ANO3: variants seen among roughly 807,000 people sequenced by gnomAD.
ANO3 encodes anoctamin-3.
In ANO3, 99 loss-of-function variants were observed where a neutral mutation model predicts 144.8. The ratio of observed to expected loss-of-function variants is 0.68; its 90% confidence interval spans 0.58 to 0.81. ANO3 has a LOEUF of 0.81. Among genes scored for constraint, ANO3 ranks in the 30% least tolerant of loss-of-function variants. The pLI is 0.00. For synonymous variants in ANO3, 414 were observed against 392.6 expected, an observed-to-expected ratio of 1.05 and a Z score of -0.64; for missense variants, 905 against 1,202.2, an observed-to-expected ratio of 0.75 and a Z score of 3.66.
At chr11:26,491,714 C>A (rs1860716233) in intron 4 of ANO3, among the ~76,000 whole-genome samples, 1 of 152,174 alleles carries the variant, frequency 6.6e-6, no homozygotes, top group African/African-American at 2.4e-5. Context: ...TTGTCCGCAA[C>A]CTTCCCATAC....
At chr11:26,558,963 G>GTTAGTTTAATTTCTCTCACTAAGT (rs1385425528) in intron 13 of ANO3, 1 of 152,010 alleles carries the variant, frequency 6.6e-6, no homozygotes, top group Non-Finnish European at 1.5e-5. Flanking sequence ...CCTTCACTGT[G>GTTAGTTTAATTTCTCTCACTAAGT]TTAGTTTAAT....
intron 1 of ANO3, among the ~76,000 whole-genome samples, chr11:26,343,743 C>T (rs1408273862): frequency 2.6e-5 from 4 of 152,258 alleles, no homozygotes; most frequent in Middle Eastern, 3.4e-3. Context: ...TTTCTGTATA[C>T]GAGTGTATGA....
chr11:26,533,506 G>A (rs1218818692), intron 8 of ANO3, among the ~76,000 whole-genome samples: 1 of 152,132 alleles, frequency 6.6e-6, no homozygotes, highest in African/African-American at 2.4e-5. Flanking sequence ...GTTGGAATGC[G>A]AGTACCGAGA....
At chr11:26,621,639 T>C (rs7107869) in intron 17 of ANO3, among the ~76,000 whole-genome samples, 43,960 of 152,022 alleles carry the variant, frequency 0.29, 6,717 homozygotes, top group South Asian at 0.46. Flanking sequence ...TGACCAATTA[T>C]GTATTTATTT....
chr11:26,325,163 A>C (rs1195011096), intron 1 of ANO3, among the ~76,000 whole-genome samples: 1 of 152,188 alleles, frequency 6.6e-6, no homozygotes, highest in African/African-American at 2.4e-5. Flanking sequence ...AATATGGAAG[A>C]CTTGACGCTT....
chr11:26,433,930 A>T (rs1475549043), intron 1 of ANO3, among the ~76,000 whole-genome samples: 1 of 152,176 alleles, frequency 6.6e-6, no homozygotes, highest in Non-Finnish European at 1.5e-5. Context: ...GTTGGAGAGG[A>T]GTCCTTCCTC....
intron 1 of ANO3, among the ~76,000 whole-genome samples, chr11:26,439,484 C>T (rs550101750): frequency 8.5e-5 from 13 of 152,146 alleles, no homozygotes; most frequent in African/African-American, 2.2e-4. Context: ...GGATCGGCTG[C>T]GAATAGGTAT....
chr11:26,408,799 A>G (rs1175392452), intron 1 of ANO3, among the ~76,000 whole-genome samples: 1 of 151,852 alleles, frequency 6.6e-6, no homozygotes, highest in African/African-American at 2.4e-5. Context: ...GCAGCCATAA[A>G]AAATGAAGAG....
intron 1 of ANO3, among the ~76,000 whole-genome samples, chr11:26,217,755 T>A (rs912103365): frequency 3.3e-5 from 5 of 152,160 alleles, no homozygotes; most frequent in Admixed American, 2.6e-4. Flanking sequence ...ACCATGCTTC[T>A]TTTAAAATTT....
intron 14 of ANO3, chr11:26,565,546 T>G: frequency 6.2e-7 from 1 of 1,613,230 alleles, no homozygotes; most frequent in South Asian, 1.1e-5. Context: ...GTGGAAATGG[T>G]AGATGTGGGT....
At chr11:26,592,054 T>C (rs1458367367) in intron 14 of ANO3, among the ~76,000 whole-genome samples, 1 of 152,164 alleles carries the variant, frequency 6.6e-6, no homozygotes, top group African/African-American at 2.4e-5. Context: ...AGGTTCCCTG[T>C]AATGTTTTAA....
chr11:26,215,982 GT>G (rs1193996037), intron 1 of ANO3, among the ~76,000 whole-genome samples: 9 of 151,836 alleles, frequency 5.9e-5, no homozygotes, highest in African/African-American at 2.2e-4. Flanking sequence ...TATTTATACT[GT>G]TTTTTATATT....
At chr11:26,523,769 A>T (rs182200722) in intron 6 of ANO3, among the ~76,000 whole-genome samples, 152 of 152,272 alleles carry the variant, frequency 1.0e-3, no homozygotes, top group African/African-American at 3.2e-3. Flanking sequence ...GCATTTTCTC[A>T]AAGTTTTTTA....
chr11:26,508,441 T>C (rs118043383), intron 5 of ANO3, 179 bp downstream of exon 5: 14,300 of 495,906 alleles, frequency 0.029, 250 homozygotes, highest in Non-Finnish European at 0.038. Context: ...CTTTTTAATC[T>C]ATATAATTCT....
intron 11 of ANO3, among the ~76,000 whole-genome samples, chr11:26,542,982 T>G (rs1849684042): frequency 6.6e-6 from 1 of 152,030 alleles, no homozygotes; most frequent in African/African-American, 2.4e-5. Flanking sequence ...AAAGGGGTAC[T>G]TGTAGAGAAT....
rs373889084 is a variant in ANO3 at position 26,480,999 on chromosome 11, G to A, written c.432+17851G>A. 7.9e-5 allele frequency among the ~76,000 whole-genome samples: 12 copies of A among 152,112 alleles called. 1 individual carries two copies. The highest frequency in any genetic ancestry group is 2.9e-4 in the African/African-American group (12 of 41,502). ...TTGTCTATTTATAAAATGTGATTGGGATGGTTACAGAAAATAATACACACC... is the reference window on the plus strand; with the variant it reads ...TTGTCTATTTATAAAATGTGATTGGAATGGTTACAGAAAATAATACACACC... On this transcript the variant is annotated intron_variant, in intron 4 of 26. Transcript: ENST00000256737.
chr11:26,579,278 C>T (rs1241774864), intron 14 of ANO3, among the ~76,000 whole-genome samples: 2 of 152,094 alleles, frequency 1.3e-5, no homozygotes, highest in African/African-American at 4.8e-5. Context: ...AAATAATAAC[C>T]TCAGCAGCAG....
At chr11:26,198,524 T>G (rs1263338689) in intron 1 of ANO3, among the ~76,000 whole-genome samples, 1 of 152,126 alleles carries the variant, frequency 6.6e-6, no homozygotes, top group Non-Finnish European at 1.5e-5. Context: ...CGGAAAGAAA[T>G]TATAAAGAAA....
intron 7 of ANO3, among the ~76,000 whole-genome samples, chr11:26,528,643 C>G (rs2663159): frequency 0.026 from 3,999 of 152,198 alleles, 145 homozygotes; most frequent in African/African-American, 0.087. Flanking sequence ...TGGAATTACT[C>G]TCTGTCTTTA....
Sources: allele counts gnomAD v4.1 joint callset (sites outside exome capture counted in the v4.1 genomes callset), GRCh38; gene constraint gnomAD v4.1.1; transcripts MANE v1.5; gene names NCBI Gene and HGNC (gene_info 2026-07-23, HGNC 2026-07-21).